Variants in MAF observed in about 807,000 individuals in gnomAD.
MAF encodes the protein transcription factor Maf.
A neutral mutation model predicts 22.0 loss-of-function variants in MAF; 10 were observed. The ratio of observed to expected loss-of-function variants is 0.45; its 90% confidence interval spans 0.28 to 0.77. The LOEUF is 0.77. Ranked by LOEUF, MAF falls within the 30% of genes least tolerant of loss-of-function variation. The pLI is 0.12. For synonymous variants in MAF, 337 were observed against 255.8 expected (o/e 1.32, Z -3.03); for missense variants, 544 against 548.4 (o/e 0.99, Z 0.08).
chr16:79,295,265 T>C, the MAF span, among the ~76,000 whole-genome samples: 4 of 152,180 alleles, frequency 2.6e-5, no homozygotes, highest in Non-Finnish European at 4.4e-5. Context: ...TTCAGCCAAA[T>C]TAAATGTAAA....
chr16:79,346,214 T>C, the MAF span, among the ~76,000 whole-genome samples: 1 of 140,970 alleles, frequency 7.1e-6, no homozygotes, highest in Non-Finnish European at 1.5e-5. Context: ...GTGTGTGATG[T>C]TCCCCACCCT....
the MAF span, among the ~76,000 whole-genome samples, chr16:79,297,561 G>A: frequency 2.0e-5 from 3 of 152,112 alleles, no homozygotes; most frequent in Non-Finnish European, 4.4e-5. Context: ...CAGCTTCCCC[G>A]GCTATAAATG....
chr16:79,235,990 A>C, the MAF span, among the ~76,000 whole-genome samples: 1 of 152,028 alleles, frequency 6.6e-6, no homozygotes, highest in African/African-American at 2.4e-5. Flanking sequence ...CCGTACCAGC[A>C]ATCCTATTCC....
chr16:79,404,670 T>C, the MAF span, among the ~76,000 whole-genome samples: 1 of 151,890 alleles, frequency 6.6e-6, no homozygotes, highest in Middle Eastern at 3.2e-3. Context: ...TACTACTTAT[T>C]CTTAACTGTG....
chr16:79,221,342 TC>T, the MAF span, among the ~76,000 whole-genome samples: 2 of 152,180 alleles, frequency 1.3e-5, no homozygotes, highest in Non-Finnish European at 2.9e-5. Flanking sequence ...GGGAAAAAAT[TC>T]AGTCATGTTA....
chr16:79,480,618 G>C, the MAF span, among the ~76,000 whole-genome samples: 6 of 152,144 alleles, frequency 3.9e-5, no homozygotes, highest in Non-Finnish European at 7.3e-5. Flanking sequence ...TATGGAGGGA[G>C]GGTAGAAGGG....
chr16:79,348,952 G>C, the MAF span, among the ~76,000 whole-genome samples: 3 of 152,178 alleles, frequency 2.0e-5, no homozygotes, highest in East Asian at 5.8e-4. Context: ...TGATTCTACA[G>C]ACCCTCTTGT....
At chr16:79,583,149 T>C (rs1453751315), downstream of MAF, among the ~76,000 whole-genome samples, 1 of 152,226 alleles carries the variant, frequency 6.6e-6, no homozygotes, top group African/African-American at 2.4e-5. Flanking sequence ...ATTTGCATTT[T>C]ATTTCTGGAT....
chr16:79,585,927 G>A, exon 2 of MAF: 1 of 685,464 alleles, frequency 1.5e-6, no homozygotes. Context: ...TGATGTAGAG[G>A]ATTCCCTTGG....
chr16:79,467,156 G>T, the MAF span, among the ~76,000 whole-genome samples: 2 of 152,054 alleles, frequency 1.3e-5, no homozygotes, highest in East Asian at 1.9e-4. Context: ...GCCTCCAAGG[G>T]TCCCTCCCAA....
At chr16:79,516,321 T>A in the MAF span, 1 of 152,216 alleles carries the variant, frequency 6.6e-6, no homozygotes. Flanking sequence ...TATTCTGTTC[T>A]AAGGATGCCT....
At chr16:79,340,929 T>G in the MAF span, among the ~76,000 whole-genome samples, 1 of 152,040 alleles carries the variant, frequency 6.6e-6, no homozygotes, top group Non-Finnish European at 1.5e-5. Flanking sequence ...AGAAACAGGA[T>G]AGCAAGACAG....
chr16:79,244,511 G>T, the MAF span, among the ~76,000 whole-genome samples: 91 of 152,144 alleles, frequency 6.0e-4, no homozygotes, highest in African/African-American at 2.1e-3. Flanking sequence ...ACTTACAAGA[G>T]ATTATGAAGG....
chr16:79,211,740 C>T, the MAF span: 22 of 1,614,112 alleles, frequency 1.4e-5, no homozygotes, highest in South Asian at 2.2e-5. Flanking sequence ...GGCCCGGACC[C>T]TGTGGGCGCT....
chr16:79,403,440 T>C, the MAF span, among the ~76,000 whole-genome samples: 503 of 152,258 alleles, frequency 3.3e-3, 4 homozygotes, highest in Middle Eastern at 0.017. Context: ...AGCATCAGGA[T>C]TGCTCCAGTA....
At chr16:79,458,109 A>AGAGTGTGTGTGTGT in the MAF span, among the ~76,000 whole-genome samples, 5 of 136,328 alleles carry the variant, frequency 3.7e-5, no homozygotes, top group Non-Finnish European at 7.9e-5. Context: ...GGTATGTATA[A>AGAGTGTGTGTGTGT]GTGTGTGTGT....
At chr16:79,316,030 G>A in the MAF span, among the ~76,000 whole-genome samples, 129 of 152,322 alleles carry the variant, frequency 8.5e-4, no homozygotes, top group South Asian at 0.011. Context: ...TCATGCTTGT[G>A]ACTGAGAATT....
the MAF span, among the ~76,000 whole-genome samples, chr16:79,272,337 G>A: frequency 2.0e-5 from 3 of 152,244 alleles, no homozygotes; most frequent in Non-Finnish European, 4.4e-5. Flanking sequence ...GAAAAGTGCA[G>A]AGACCTAAGC....
chr16:79,351,275 G>T, the MAF span, among the ~76,000 whole-genome samples: 6 of 152,282 alleles, frequency 3.9e-5, no homozygotes, highest in African/African-American at 1.4e-4. Context: ...AGAGAGGTGT[G>T]TTGCTGAACA....
Sources: gnomAD v4.1 joint callset for allele counts (sites outside exome capture counted in the v4.1 genomes callset) on GRCh38, gnomAD v4.1.1 for gene constraint, MANE v1.5 for transcripts, NCBI Gene and HGNC (gene_info 2026-07-23, HGNC 2026-07-21) for gene names.